Variants in RCN3 observed in about 807,000 individuals in gnomAD.
RCN3 encodes reticulocalbin-3.
RCN3 carries 41 observed loss-of-function variants against 35.9 expected under a neutral mutation model. The observed-to-expected ratio is 1.14, with a 90% CI of 0.89 to 1.48. The LOEUF (loss-of-function observed/expected upper bound fraction) is 1.48, where lower values mean the gene tolerates loss of function less well. Ranked by LOEUF, RCN3 falls within the 40% of genes most tolerant of loss-of-function variation. The pLI, the probability that RCN3 is intolerant of heterozygous loss-of-function variation, is 0.00. For missense variants in RCN3, 451 were observed against 471.3 expected, an observed-to-expected ratio of 0.96 and a Z score of 0.40; for synonymous variants, 187 against 193.4, an observed-to-expected ratio of 0.97 and a Z score of 0.27.
intron 4 of RCN3, among the ~76,000 whole-genome samples, chr19:49,537,975 T>C (rs962744378): frequency 6.6e-6 from 1 of 150,712 alleles, no homozygotes; most frequent in African/African-American, 2.5e-5. Flanking sequence ...AAGGCTTTTT[T>C]TTTCTTTCCT....
rs532008615 is a variant in RCN3 at position 49,529,294 on chromosome 19, C to G, written c.242+580C>G. 1.2e-4 allele frequency among the ~76,000 whole-genome samples: 18 copies of G among 152,316 alleles called. No homozygotes were observed. In the South Asian group the frequency reaches 2.7e-3, roughly 23 times the overall value. ...GTCCCAGACATCTCCCCTCCCCAAG[C>G]CTCAGTTTCCTGCTCTGTAAATGGC... is the stretch of plus-strand genomic sequence containing the variant. On this transcript the variant is annotated intron_variant, in intron 2 of 6. Coordinates refer to ENST00000270645, the MANE Select transcript of RCN3 (RefSeq NM_020650.3).
intron 5 of RCN3, 96 bp downstream of exon 5, chr19:49,539,275 A>T: frequency 1.0e-6 from 1 of 969,884 alleles, no homozygotes; most frequent in Admixed American, 2.5e-5. Context: ...CCATCATCAG[A>T]GAACAGTGGC....
chr19:49,528,739 G>A, intron 2 of RCN3, 25 bp downstream of exon 2: 4 of 1,534,640 alleles, frequency 2.6e-6, no homozygotes, highest in South Asian at 1.2e-5. Context: ...CGGTTGGGGC[G>A]TGTCCAGAGG....
At position 49,539,114 on chromosome 19, in the gene RCN3, T is replaced by C. The variant is rs8105626; in HGVS notation, c.619-5T>C. ...CCCCAGCCTCAATGCCCCTTTCTCCTCCAGGAAACCCTGGAGGACCTGGAC... is the reference window on the plus strand; with the variant it reads ...CCCCAGCCTCAATGCCCCTTTCTCCCCCAGGAAACCCTGGAGGACCTGGAC... On this transcript the variant is annotated splice_region_variant and splice_polypyrimidine_tract_variant and intron_variant, in intron 4 of 6. Coordinates refer to ENST00000270645, the MANE Select transcript of RCN3 (RefSeq NM_020650.3). The C allele has an allele frequency of 0.08, 128,033 of 1,595,594 alleles. 6,192 individuals are homozygous for C. Among genetic ancestry groups the C allele is most frequent in the African/African-American group, 0.19 (13,920 of 74,002 alleles).
At position 49,536,564 on chromosome 19, in the gene RCN3, G is replaced by T. The variant is rs528738321; in HGVS notation, c.446-469G>T. On this transcript the variant is annotated intron_variant, in intron 3 of 6. Transcript: ENST00000270645. Reference sequence around the variant, plus strand: ...GATCCACCCACCTCGGCCTCCCAAAGTGCTGGGATTACAGGTGTGAGCCAC... The same window carrying T: ...GATCCACCCACCTCGGCCTCCCAAATTGCTGGGATTACAGGTGTGAGCCAC... Among the ~76,000 whole-genome samples the T allele has an allele frequency of 4.2e-3, 627 of 150,900 alleles. 9 individuals are homozygous for T. The highest frequency in any genetic ancestry group is 0.018 in the Middle Eastern group (5 of 282).
chr19:49,533,857 C>T (rs1473223190), intron 2 of RCN3, among the ~76,000 whole-genome samples: 4 of 152,116 alleles, frequency 2.6e-5, no homozygotes, highest in Admixed American at 1.3e-4. Flanking sequence ...CCAGCTCGGC[C>T]CAGCGAGAGG....
At chr19:49,529,479 T>G (rs1375663596) in intron 2 of RCN3, among the ~76,000 whole-genome samples, 3 of 152,206 alleles carry the variant, frequency 2.0e-5, no homozygotes, top group African/African-American at 4.8e-5. Context: ...AGCAGCCGCC[T>G]TCTTCTGTGC....
At chr19:49,528,338 C>A in intron 1 of RCN3, 129 bp from the exon 2 acceptor site, 1 of 899,974 alleles carries the variant, frequency 1.1e-6, no homozygotes, top group South Asian at 3.2e-5. Flanking sequence ...CCTTTTTGAG[C>A]CCGAAAGCTT....
chr19:49,543,234 C>T lies in RCN3; in HGVS notation c.*21C>T, dbSNP rs1263951096. On this transcript the variant is annotated 3_prime_UTR_variant, in exon 7 of 7. Transcript: ENST00000270645. ...TGTGAGCACCGCGCACCTGCCACAG[C>T]CTCAGAGGCCCGCACAATGACCGGA... 5 of 1,580,174 alleles carry T rather than the reference C, an allele frequency of 3.2e-6. No homozygotes were observed. The African/African-American group carries it at 5.4e-5, about 17-fold the overall frequency.
chr19:49,532,345 TC>T (rs1227278000), intron 2 of RCN3, among the ~76,000 whole-genome samples: 1 of 151,842 alleles, frequency 6.6e-6, no homozygotes, highest in African/African-American at 2.4e-5. Context: ...GACCTTGTGA[TC>T]CGCCCTCCTC....
intron 5 of RCN3, among the ~76,000 whole-genome samples, chr19:49,540,031 T>C (rs1423605599): frequency 2.6e-5 from 4 of 151,954 alleles, no homozygotes; most frequent in African/African-American, 9.7e-5. Context: ...CCAGGAATTT[T>C]TTTTTAAGTT....
intron 3 of RCN3, among the ~76,000 whole-genome samples, chr19:49,536,707 C>T (rs2080137362): frequency 6.6e-6 from 1 of 150,934 alleles, no homozygotes; most frequent in Non-Finnish European, 1.5e-5. Flanking sequence ...TTCCTGGGTT[C>T]AATCGACTCT....
In RCN3 at chr19:49,536,647, C is replaced by T. The variant is rs182017355; in HGVS notation, c.446-386C>T. ...TTTTTGAGACATAGCCTCCCTCTGT[C>T]GCCCAGGCTGGAAAGCAGTGGTGCA... On this transcript the variant is annotated intron_variant, in intron 3 of 6. Transcript: ENST00000270645. Among the ~76,000 whole-genome samples the T allele has an allele frequency of 7.0e-4, 101 of 144,412 alleles. 1 individual carries two copies. The East Asian group carries it at 0.016, about 23-fold the overall frequency. 94.7% of individuals were successfully genotyped at this position (144,412 alleles called of 152,430 possible). A position where few individuals can be genotyped will look rare whatever the true frequency, so the allele number is the denominator to read the frequency against.
intron 2 of RCN3, among the ~76,000 whole-genome samples, chr19:49,529,990 CA>C (rs1174701534): frequency 1.3e-5 from 2 of 151,936 alleles, no homozygotes; most frequent in Non-Finnish European, 2.9e-5. Flanking sequence ...CTCGCTCTGT[CA>C]CCCAGGCTGG....
chr19:49,528,779 C>A (rs1045253081), intron 2 of RCN3, 65 bp downstream of exon 2: 1 of 1,441,950 alleles, frequency 6.9e-7, no homozygotes, highest in African/African-American at 1.5e-5. Flanking sequence ...GCGGGGGTAT[C>A]GACAGGGGTC....
chr19:49,542,686 GC>G lies in RCN3; in HGVS notation c.818del (p.Pro273LeufsTer25). The G allele has an allele frequency of 6.3e-7, 1 of 1,597,068 alleles. No homozygotes were observed. Among genetic ancestry groups the G allele is most frequent in the South Asian group, 1.1e-5 (1 of 87,780 alleles). On this transcript the variant is annotated frameshift_variant, in exon 6 of 7. Transcript: ENST00000270645. LOFTEE classifies it high-confidence loss of function. ...DGSEVGHWVL[P>X]PAQDQPLVEA... ...GGAGTGAGGTGGGCCACTGGGTGCT[GC>G]CCCCTGCCCAGGACCAGCCCCTGGT...
intron 2 of RCN3, among the ~76,000 whole-genome samples, chr19:49,533,129 A>G (rs2080117002): frequency 6.6e-6 from 1 of 152,198 alleles, no homozygotes; most frequent in Non-Finnish European, 1.5e-5. Flanking sequence ...AGTAAGAGGA[A>G]GTGGCTGGAT....
At chr19:49,531,448 G>C (rs890084548) in intron 2 of RCN3, among the ~76,000 whole-genome samples, 1 of 152,208 alleles carries the variant, frequency 6.6e-6, no homozygotes. Flanking sequence ...TTTAGGCCAC[G>C]ATGAAGATTT....
At chr19:49,541,618 G>A (rs112135459) in intron 5 of RCN3, among the ~76,000 whole-genome samples, 15,454 of 151,636 alleles carry the variant, frequency 0.1, 1,009 homozygotes, top group African/African-American at 0.18. Context: ...GCGTGGTGGC[G>A]GGTACCTGTA....
Sources: gnomAD v4.1 joint callset for allele counts (sites outside exome capture counted in the v4.1 genomes callset) on GRCh38, gnomAD v4.1.1 for gene constraint, MANE v1.5 for transcripts, NCBI Gene and HGNC (gene_info 2026-07-23, HGNC 2026-07-21) for gene names.